PCDH7: variants seen among roughly 807,000 people sequenced by gnomAD.
PCDH7 encodes the protein protocadherin-7.
In PCDH7, 17 loss-of-function variants were observed where a neutral mutation model predicts 58.9. The ratio of observed to expected loss-of-function variants is 0.29; its 90% CI spans 0.20 to 0.43. PCDH7 has a LOEUF of 0.43. PCDH7 is among the 20% of genes least tolerant of loss of function. PCDH7 has a pLI of 1.00. For synonymous variants in PCDH7, 664 were observed against 616.4 expected (o/e 1.08, Z -1.14); for missense variants, 1,274 against 1,441.0 (o/e 0.88, Z 1.88).
intron 3 of PCDH7, among the ~76,000 whole-genome samples, chr4:31,097,313 C>T (rs1407100935): frequency 2.0e-5 from 3 of 151,052 alleles, no homozygotes; most frequent in African/African-American, 7.3e-5. Flanking sequence ...AAAAATTAGC[C>T]AGGCGTGGCA....
chr4:30,981,504 A>G (rs1750565635), intron 3 of PCDH7, among the ~76,000 whole-genome samples: 1 of 152,178 alleles, frequency 6.6e-6, no homozygotes, highest in Non-Finnish European at 1.5e-5. Flanking sequence ...TTACTCTCTC[A>G]CATTGAACTA....
At chr4:30,743,417 C>G (rs1356912305) in intron 1 of PCDH7, among the ~76,000 whole-genome samples, 1 of 147,056 alleles carries the variant, frequency 6.8e-6, no homozygotes, top group Non-Finnish European at 1.5e-5. Context: ...CTCAGGGGTT[C>G]AAAAAATGGC....
rs1045702745 is a variant in PCDH7 at position 30,722,745 on chromosome 4, C to T, written c.1323C>T (p.Pro441=). 5 of 1,613,380 alleles carry T rather than the reference C, an allele frequency of 3.1e-6. No homozygotes were observed. The highest frequency in any genetic ancestry group is 1.7e-5 in the Admixed American group (1 of 60,016). The stretch of plus-strand genomic sequence containing the variant: ...CCGAGGACGTTCTGGTCGACACCCC[C>T]ATCGCTCTGGTGCAGGTGTCCGACC... Residue 441 remains proline (P), a synonymous_variant, in exon 1 of 2, where the codon CCC becomes CCT. Transcript: ENST00000361762. This position sits in a 1 kb window ranked among gnomAD's most constrained non-coding sequence, Gnocchi z 7.6.
chr4:30,992,962 C>A (rs1034028249), intron 3 of PCDH7, among the ~76,000 whole-genome samples: 4 of 152,002 alleles, frequency 2.6e-5, no homozygotes, highest in African/African-American at 7.2e-5. Context: ...CCATGCCTGG[C>A]TAATTTTTGT....
At chr4:31,052,132 G>A (rs1578662344) in intron 3 of PCDH7, among the ~76,000 whole-genome samples, 1 of 152,062 alleles carries the variant, frequency 6.6e-6, no homozygotes, top group Non-Finnish European at 1.5e-5. Context: ...GTTTTATTTT[G>A]TTTAAGGCAT....
At chr4:30,738,802 A>G (rs966155975) in intron 1 of PCDH7, among the ~76,000 whole-genome samples, 1 of 152,116 alleles carries the variant, frequency 6.6e-6, no homozygotes, top group African/African-American at 2.4e-5. Flanking sequence ...ACAGAAATGT[A>G]GTCTTAATAT....
intron 2 of PCDH7, among the ~76,000 whole-genome samples, chr4:30,939,437 C>G (rs956269292): frequency 1.3e-5 from 2 of 152,096 alleles, no homozygotes; most frequent in Non-Finnish European, 2.9e-5. Flanking sequence ...CTACTGATAA[C>G]TGAATTCTCT....
chr4:31,068,227 T>C (rs547571215), intron 3 of PCDH7, among the ~76,000 whole-genome samples: 9 of 151,732 alleles, frequency 5.9e-5, no homozygotes, highest in Non-Finnish European at 1.0e-4. Context: ...CAGGAGTAGA[T>C]AATGTATGAA....
intron 3 of PCDH7, among the ~76,000 whole-genome samples, chr4:31,069,705 A>T (rs1392710089): frequency 6.6e-6 from 1 of 151,484 alleles, no homozygotes; most frequent in African/African-American, 2.4e-5. Flanking sequence ...GAAATATGAA[A>T]TTTTTCTTAT....
intron 3 of PCDH7, among the ~76,000 whole-genome samples, chr4:31,027,434 TTTTA>T (rs1754527278): frequency 6.6e-6 from 1 of 152,164 alleles, no homozygotes; most frequent in Non-Finnish European, 1.5e-5. Flanking sequence ...TTTTATTTTA[TTTTA>T]TTTGAGACGG....
At position 30,722,109 on chromosome 4, in the gene PCDH7, A is replaced by G. The variant is rs1010301008; in HGVS notation, c.687A>G (p.Ser229=). The change falls in exon 1 of 2, where the codon TCA becomes TCG. Residue 229 remains serine (S), a synonymous_variant. Transcript: ENST00000361762. The surrounding 1 kb of genome is among the most constrained non-coding windows in gnomAD (Gnocchi z 7.6). The stretch of plus-strand genomic sequence containing the variant: ...GCTCCAAGCGGCGGCTGGACGCATC[A>G]GAGGGCGGCGGCGGCACCAACCCCG... 67 of 1,415,472 alleles carry G rather than the reference A, an allele frequency of 4.7e-5. No homozygotes were observed. Among genetic ancestry groups the G allele is most frequent in the Non-Finnish European group, 6.0e-5 (65 of 1,091,664 alleles). 87.7% of individuals were successfully genotyped at this position (1,415,472 alleles called of 1,614,324 possible). A position where few individuals can be genotyped will look rare whatever the true frequency, so the allele number is the denominator to read the frequency against.
intron 3 of PCDH7, among the ~76,000 whole-genome samples, chr4:31,105,940 G>C (rs1389136297): frequency 1.3e-5 from 2 of 151,714 alleles, no homozygotes; most frequent in Non-Finnish European, 2.9e-5. Context: ...CCGGGAGGCA[G>C]AGCTTGCAGT....
intron 1 of PCDH7, among the ~76,000 whole-genome samples, chr4:30,861,448 A>C (rs979944129): frequency 1.3e-5 from 2 of 152,192 alleles, no homozygotes; most frequent in East Asian, 1.9e-4. Flanking sequence ...AATGTAGTTG[A>C]AAAAGCAACA....
At chr4:31,087,597 A>G (rs1452909862) in intron 3 of PCDH7, among the ~76,000 whole-genome samples, 2 of 152,120 alleles carry the variant, frequency 1.3e-5, no homozygotes, top group Non-Finnish European at 2.9e-5. Context: ...GGTGGGCAGG[A>G]ACAATGACAC....
chr4:31,029,350 T>A (rs1468637106), intron 3 of PCDH7, among the ~76,000 whole-genome samples: 1 of 152,084 alleles, frequency 6.6e-6, no homozygotes, highest in Non-Finnish European at 1.5e-5. Flanking sequence ...GTCTCAAACA[T>A]CAAAACAGAG....
At chr4:31,062,417 C>A (rs542137236) in intron 3 of PCDH7, among the ~76,000 whole-genome samples, 1 of 151,790 alleles carries the variant, frequency 6.6e-6, no homozygotes, top group African/African-American at 2.4e-5. Context: ...TAATAGTTTT[C>A]TTGTTCATTT....
intron 1 of PCDH7, among the ~76,000 whole-genome samples, chr4:30,916,734 G>C (rs1451730463): frequency 6.6e-6 from 1 of 152,152 alleles, no homozygotes; most frequent in Admixed American, 6.6e-5. Flanking sequence ...TACCCTTAAA[G>C]AACCAGCTAA....
At chr4:31,108,409 A>AAAAAAAAAAAC (rs1715867843) in intron 3 of PCDH7, among the ~76,000 whole-genome samples, 1 of 119,166 alleles carries the variant, frequency 8.4e-6, no homozygotes, top group Non-Finnish European at 1.8e-5. Context: ...AAAAAAAAAA[A>AAAAAAAAAAAC]TCACTTTCTA....
chr4:30,806,838 G>A (rs1433075640), intron 1 of PCDH7, among the ~76,000 whole-genome samples: 1 of 151,778 alleles, frequency 6.6e-6, no homozygotes, highest in Non-Finnish European at 1.5e-5. Context: ...TGCCCATGTT[G>A]ATCACACACC....
Sources: gnomAD v4.1 joint callset for allele counts (sites outside exome capture counted in the v4.1 genomes callset) on GRCh38, gnomAD v4.1.1 for gene constraint, Gnocchi (gnomAD v3.1) non-coding constraint, MANE v1.5 for transcripts, NCBI Gene and HGNC (gene_info 2026-07-23, HGNC 2026-07-21) for gene names.